The following FRMPD4 variants were observed in gnomAD, a reference collection of about 807,000 sequenced individuals.
FRMPD4 encodes FERM and PDZ domain-containing protein 4.
In FRMPD4, 22 loss-of-function variants were observed where a neutral mutation model predicts 94.1. The ratio of observed to expected loss-of-function variants is 0.23; its 90% CI spans 0.17 to 0.33. The LOEUF is 0.33. Among genes scored for constraint, FRMPD4 ranks in the 10% least tolerant of loss-of-function variants. FRMPD4 has a pLI of 1.00. For missense variants in FRMPD4, 1,111 were observed against 1,339.9 expected (o/e 0.83, Z 2.67); for synonymous variants, 631 against 548.6 (o/e 1.15, Z -2.10).
chrX:12,646,202 T>C (rs2059546366), intron 4 of FRMPD4, among the ~76,000 whole-genome samples: 1 of 112,183 alleles, frequency 8.9e-6, no homozygotes, highest in Non-Finnish European at 1.9e-5. Flanking sequence ...CATGTAGTAA[T>C]TGAATAGCTT....
rs762629977 is a variant in FRMPD4 at position 12,180,033 on chromosome X, CTT to C, written c.41+41022_41+41023del. Among the ~76,000 whole-genome samples, 14 of 110,717 alleles carry C rather than the reference CTT, an allele frequency of 1.3e-4. No individual in the cohort carries two copies. The East Asian group carries it at 4.0e-3, about 32-fold the overall frequency. ...GGTATGGGAGAAATGAGGGAATTCT[CTT>C]GAGGCAGTTATAGCAGAGCCTTGAA... is the stretch of plus-strand genomic sequence containing the variant. On this transcript the variant is annotated intron_variant, in intron 1 of 16. Transcript: ENST00000675598.
intron 2 of FRMPD4, among the ~76,000 whole-genome samples, chrX:12,520,040 AGT>A (rs1169197410): frequency 8.9e-6 from 1 of 112,262 alleles, no homozygotes; most frequent in Non-Finnish European, 1.9e-5. Context: ...CAATCCCACT[AGT>A]GTGTATACAT....
rs905019795 is a variant in FRMPD4 at position 11,875,788 on chromosome X, A to G, written c.-29-2107A>G. Reference sequence around the variant, plus strand: ...CTTCAGTCACTGACCCCCCTACACTAATCTCCAAAATAAGCCCCCCAGAGG... The same window carrying G: ...CTTCAGTCACTGACCCCCCTACACTGATCTCCAAAATAAGCCCCCCAGAGG... On this transcript the variant is annotated intron_variant, in intron 2 of 18. Coordinates refer to the FRMPD4 transcript ENST00000640291. 2.7e-5 allele frequency among the ~76,000 whole-genome samples: 3 copies of G among 110,057 alleles called. No homozygotes were observed. The Admixed American group carries it at 2.9e-4, about 11-fold the overall frequency.
chrX:12,708,193 C>G (rs1427109828), intron 13 of FRMPD4, among the ~76,000 whole-genome samples: 3 of 111,426 alleles, frequency 2.7e-5, no homozygotes, highest in African/African-American at 9.8e-5. Flanking sequence ...AAAATCTGGC[C>G]AGGTGCGGTG....
intron 2 of FRMPD4, among the ~76,000 whole-genome samples, chrX:12,543,048 G>C (rs1243847142): frequency 3.6e-5 from 4 of 111,963 alleles, no homozygotes; most frequent in Non-Finnish European, 7.5e-5. Context: ...GGAGAAAGCT[G>C]AAACTGGATC....
intron 1 of FRMPD4, among the ~76,000 whole-genome samples, chrX:12,304,502 T>C (rs781104653): frequency 2.7e-5 from 3 of 111,184 alleles, no homozygotes; most frequent in South Asian, 3.9e-4. Context: ...GCAAAATCAC[T>C]CATGGTTGAA....
chrX:11,886,990 C>T, intron 3 of FRMPD4, among the ~76,000 whole-genome samples: 1 of 111,024 alleles, frequency 9.0e-6, no homozygotes, highest in Non-Finnish European at 1.9e-5. Context: ...CTACAGCATT[C>T]TCACAATCAT....
intron 2 of FRMPD4, among the ~76,000 whole-genome samples, chrX:12,541,100 G>A (rs1328668421): frequency 2.7e-5 from 3 of 112,019 alleles, no homozygotes; most frequent in Non-Finnish European, 3.8e-5. Context: ...GTGTGTAGAG[G>A]GAAATTTATA....
chrX:12,463,701 T>TTG lies in FRMPD4; in HGVS notation c.42-34978_42-34977insGT, dbSNP rs1440556482. 3.0e-5 allele frequency among the ~76,000 whole-genome samples: 3 copies of TTG among 99,183 alleles called. 1 individual carries two copies. Among genetic ancestry groups the TTG allele is most frequent in the Admixed American group, 1.1e-4 (1 of 8,902 alleles). The allele number at this position is 99,183 out of a possible 115,157, so 86.1% of individuals were successfully genotyped here. A position where few individuals can be genotyped will look rare whatever the true frequency, so the allele number is the denominator to read the frequency against. On this transcript the variant is annotated intron_variant, in intron 1 of 16. Coordinates refer to ENST00000675598, the MANE Select transcript of FRMPD4 (RefSeq NM_001368397.1). ...TGTGTGTTTTTTTTTTGTTTTTGTTTTTTTTTTTTAACAGAGCATGAAATA... is the reference window on the plus strand; with the variant it reads ...TGTGTGTTTTTTTTTTGTTTTTGTTTTGTTTTTTTTTAACAGAGCATGAAATA...
chrX:12,108,969 T>C (rs2055328378), intron 3 of FRMPD4, among the ~76,000 whole-genome samples: 1 of 111,192 alleles, frequency 9.0e-6, no homozygotes, highest in South Asian at 3.8e-4. Flanking sequence ...CACACAACAA[T>C]AGTGGGAGAC....
chrX:11,982,886 G>C (rs1259184552), intron 3 of FRMPD4, among the ~76,000 whole-genome samples: 2 of 111,625 alleles, frequency 1.8e-5, no homozygotes, highest in Non-Finnish European at 3.8e-5. Context: ...TCTGAAGCGG[G>C]TCTGATTCTG....
intron 1 of FRMPD4, among the ~76,000 whole-genome samples, chrX:12,313,998 T>A (rs973257354): frequency 8.9e-6 from 1 of 112,528 alleles, no homozygotes; most frequent in African/African-American, 3.2e-5. Flanking sequence ...AAAAGTTGTC[T>A]ATAAACATTG....
At chrX:12,153,100 AT>A (rs778816631) in intron 1 of FRMPD4, among the ~76,000 whole-genome samples, 5 of 108,383 alleles carry the variant, frequency 4.6e-5, no homozygotes, top group African/African-American at 1.3e-4. Flanking sequence ...CGCCCGGCTA[AT>A]TTTTTTTTGT....
At chrX:12,581,445 G>GAA (rs1316253553) in intron 2 of FRMPD4, among the ~76,000 whole-genome samples, 4 of 36,659 alleles carry the variant, frequency 1.1e-4, no homozygotes, top group African/African-American at 1.8e-4. Flanking sequence ...TTTTAGAACT[G>GAA]AAAGATATCT....
At chrX:12,089,790 T>C (rs1180214534) in intron 3 of FRMPD4, among the ~76,000 whole-genome samples, 1 of 112,070 alleles carries the variant, frequency 8.9e-6, no homozygotes, top group African/African-American at 3.2e-5. Flanking sequence ...TGAATGTGTT[T>C]GGTGTCTACT....
intron 1 of FRMPD4, among the ~76,000 whole-genome samples, chrX:11,861,443 A>G: frequency 9.0e-6 from 1 of 111,389 alleles, no homozygotes; most frequent in Admixed American, 9.5e-5. Context: ...GAAAATCAGC[A>G]CAAACACAAA....
chrX:12,009,333 G>A (rs1198045036), intron 3 of FRMPD4, among the ~76,000 whole-genome samples: 2 of 112,210 alleles, frequency 1.8e-5, no homozygotes, highest in Non-Finnish European at 3.8e-5. Context: ...TAGAAAAGCG[G>A]TTATTTTTTT....
At chrX:12,007,670 C>A (rs181475043) in intron 3 of FRMPD4, among the ~76,000 whole-genome samples, 13 of 111,913 alleles carry the variant, frequency 1.2e-4, no homozygotes, top group Non-Finnish European at 2.3e-4. Flanking sequence ...CTCCAGAGCC[C>A]AGTGATTAGC....
At chrX:12,628,860 C>A (rs776392063) in intron 4 of FRMPD4, among the ~76,000 whole-genome samples, 15 of 112,661 alleles carry the variant, frequency 1.3e-4, no homozygotes, top group African/African-American at 4.8e-4. Context: ...TGAGACTGGG[C>A]AGTTTATAAA....
Sources: gnomAD v4.1 joint callset for allele counts (sites outside exome capture counted in the v4.1 genomes callset) on GRCh38, gnomAD v4.1.1 for gene constraint, MANE v1.5 for transcripts, NCBI Gene and HGNC (gene_info 2026-07-23, HGNC 2026-07-21) for gene names.